Variants in ALG6 observed in about 807,000 individuals in gnomAD.
The protein encoded by ALG6 is dolichyl pyrophosphate Man9GlcNAc2 alpha-1,3-glucosyltransferase.
In ALG6, 46 loss-of-function variants were observed where a neutral mutation model predicts 66.6. That is an observed-to-expected ratio of 0.69 (90% CI 0.55 to 0.88). ALG6 has a LOEUF of 0.88. Ranked by LOEUF, ALG6 falls within the 40% of genes least tolerant of loss-of-function variation. The pLI, the probability that ALG6 is intolerant of heterozygous loss-of-function variation, is 0.00. For missense variants in ALG6, 505 were observed against 586.8 expected (o/e 0.86, Z 1.44); for synonymous variants, 185 against 203.7 (o/e 0.91, Z 0.78).
intron 2 of ALG6, among the ~76,000 whole-genome samples, chr1:63,390,351 G>T (rs66462357): frequency 2.6e-5 from 4 of 152,118 alleles, no homozygotes; most frequent in African/African-American, 9.7e-5. Flanking sequence ...ACTCTGCCTG[G>T]TACCTTATTT....
At position 63,428,980 on chromosome 1, in the gene ALG6, A is replaced by T. The variant is rs757133636; in HGVS notation, c.1180A>T (p.Thr394Ser). The T allele has an allele frequency of 1.2e-6, 2 of 1,613,018 alleles. No homozygotes were observed. Among genetic ancestry groups the T allele is most frequent in the Non-Finnish European group, 1.7e-6 (2 of 1,179,696 alleles). ...DELLMPSVVT[T>S]MAFFIACVTS... is the part of the protein sequence containing the mutation. ...ACTCCTAATGCCCTCTGTTGTGACAACAATGGCATTTTTTATAGCTTGTGT... is the reference window on the plus strand; with the variant it reads ...ACTCCTAATGCCCTCTGTTGTGACATCAATGGCATTTTTTATAGCTTGTGT... The change falls in exon 14 of 15, where the codon ACA (threonine) becomes TCA (serine). Residue 394 changes from threonine to serine, a missense_variant. Coordinates refer to ENST00000263440, the MANE Select transcript of ALG6 (RefSeq NM_013339.4).
At chr1:63,408,391 C>T (rs1644500394) in intron 7 of ALG6, among the ~76,000 whole-genome samples, 1 of 152,116 alleles carries the variant, frequency 6.6e-6, no homozygotes, top group African/African-American at 2.4e-5. Context: ...CATTGCTTTA[C>T]GATATTCCAT....
At chr1:63,367,998 A>G (rs973006437) in intron 1 of ALG6, among the ~76,000 whole-genome samples, 1 of 152,072 alleles carries the variant, frequency 6.6e-6, no homozygotes, top group African/African-American at 2.4e-5. Context: ...TTCGCCCCAT[A>G]TACACGCCCG....
intron 2 of ALG6, among the ~76,000 whole-genome samples, chr1:63,388,357 G>A (rs1415651507): frequency 1.3e-5 from 2 of 152,106 alleles, no homozygotes; most frequent in Non-Finnish European, 2.9e-5. Context: ...GTAGAGATGG[G>A]GGTTTGGCCA....
At chr1:63,414,794 G>A (rs928859604) in intron 10 of ALG6, among the ~76,000 whole-genome samples, 1 of 152,154 alleles carries the variant, frequency 6.6e-6, no homozygotes, top group African/African-American at 2.4e-5. Flanking sequence ...GTGTGAATTC[G>A]TGACAAGGAA....
At chr1:63,409,840 A>C (rs1241502757) in intron 7 of ALG6, among the ~76,000 whole-genome samples, 6 of 152,204 alleles carry the variant, frequency 3.9e-5, no homozygotes, top group Non-Finnish European at 1.5e-5. Flanking sequence ...CTTAAATGTC[A>C]GAATGTGGAG....
intron 2 of ALG6, among the ~76,000 whole-genome samples, chr1:63,395,091 C>T (rs1336555079): frequency 4.0e-5 from 6 of 151,846 alleles, no homozygotes. Context: ...GTCTTGAACT[C>T]CTGACCTCGT....
At chr1:63,412,134 G>A in intron 9 of ALG6, 73 bp downstream of exon 9, 1 of 1,600,742 alleles carries the variant, frequency 6.2e-7, no homozygotes, top group East Asian at 2.2e-5. Context: ...TCATGTAGAA[G>A]GTACAAGGAA....
chr1:63,374,667 T>C (rs113580884), intron 2 of ALG6, among the ~76,000 whole-genome samples: 159 of 152,012 alleles, frequency 1.0e-3, no homozygotes, highest in African/African-American at 3.8e-3. Context: ...TGAGATAATA[T>C]GTATAAATTA....
chr1:63,411,304 G>A lies in ALG6; in HGVS notation c.653G>A (p.Cys218Tyr), dbSNP rs1330214456. The A allele has an allele frequency of 6.2e-7, 1 of 1,613,678 alleles. No individual in the cohort carries two copies. The highest frequency in any genetic ancestry group is 2.2e-5 in the East Asian group (1 of 44,834). ...TTTTTTTGCTTTTTACTTGGCAAGT[G>A]TTTTAAAAAAGGCCTCAAAGGAAAG... ...LPFFCFLLGK[C>Y]FKKGLKGKGF... The change falls in exon 8 of 15, where the codon TGT (cysteine) becomes TAT (tyrosine). Residue 218 changes from cysteine (C) to tyrosine (Y), a missense_variant. Coordinates refer to ENST00000263440, the MANE Select transcript of ALG6 (RefSeq NM_013339.4).
intron 9 of ALG6, chr1:63,413,537 A>G: frequency 1.4e-4 from 21 of 153,216 alleles, no homozygotes; most frequent in South Asian, 6.1e-4. Flanking sequence ...AACGGATTTC[A>G]CCACCAGGAG....
chr1:63,438,165 A>G lies in ALG6; in HGVS notation c.*1145A>G, dbSNP rs1039033697. ...AAACTGGTTCTAGACACGGACAGTCACAGGCTGATATAAGAAGGTATGTGT... is the reference window on the plus strand; with the variant it reads ...AAACTGGTTCTAGACACGGACAGTCGCAGGCTGATATAAGAAGGTATGTGT... On this transcript the variant is annotated 3_prime_UTR_variant, in exon 15 of 15. Transcript: ENST00000263440. The G allele has an allele frequency of 7.0e-6, 1 of 143,596 alleles. No homozygotes were observed. Among genetic ancestry groups the G allele is most frequent in the Admixed American group, 6.9e-5 (1 of 14,516 alleles). The allele number at this position is 143,596 out of a possible 1,614,324, so 8.9% of individuals were successfully genotyped here.
At chr1:63,403,939 G>T (rs1319299232) in intron 4 of ALG6, among the ~76,000 whole-genome samples, 4 of 152,128 alleles carry the variant, frequency 2.6e-5, no homozygotes, top group African/African-American at 9.7e-5. Flanking sequence ...AAGCTTCATG[G>T]ATTGAAAATA....
At chr1:63,431,391 G>A (rs922485393) in intron 14 of ALG6, among the ~76,000 whole-genome samples, 3 of 152,186 alleles carry the variant, frequency 2.0e-5, no homozygotes, top group Non-Finnish European at 4.4e-5. Flanking sequence ...TAGGGACTGA[G>A]TCGATTCTGC....
At chr1:63,384,546 C>A (rs1648440007) in intron 2 of ALG6, among the ~76,000 whole-genome samples, 4 of 152,134 alleles carry the variant, frequency 2.6e-5, no homozygotes, top group Admixed American at 2.6e-4. Flanking sequence ...TAGAGTATTA[C>A]TCAAGAAATT....
chr1:63,385,613 C>T (rs1423580643), intron 2 of ALG6, among the ~76,000 whole-genome samples: 3 of 152,116 alleles, frequency 2.0e-5, no homozygotes, highest in African/African-American at 7.2e-5. Flanking sequence ...ATTTCTTTTT[C>T]AAATTGTTCA....
intron 3 of ALG6, among the ~76,000 whole-genome samples, chr1:63,398,640 T>G (rs1186902050): frequency 7.1e-6 from 1 of 141,240 alleles, no homozygotes; most frequent in Non-Finnish European, 1.6e-5. Flanking sequence ...GCCTGGCTAA[T>G]TTTTTTTTGT....
chr1:63,434,606 T>G (rs1644668093), intron 14 of ALG6, among the ~76,000 whole-genome samples: 1 of 151,870 alleles, frequency 6.6e-6, no homozygotes, highest in Non-Finnish European at 1.5e-5. Context: ...ACCTGGAGTT[T>G]TTTTGCGATA....
At chr1:63,403,862 T>C (rs936645755) in intron 4 of ALG6, among the ~76,000 whole-genome samples, 2 of 152,194 alleles carry the variant, frequency 1.3e-5, no homozygotes, top group Non-Finnish European at 2.9e-5. Context: ...GTCCTACATA[T>C]GGTCCATTGT....
Sources: allele counts gnomAD v4.1 joint callset (sites outside exome capture counted in the v4.1 genomes callset), GRCh38; gene constraint gnomAD v4.1.1; transcripts MANE v1.5; gene names NCBI Gene and HGNC (gene_info 2026-07-23, HGNC 2026-07-21).